The following SPOCK1 variants were observed in gnomAD, a reference collection of about 807,000 sequenced individuals.
The protein encoded by SPOCK1 is SPARC (osteonectin), cwcv and kazal like domains proteoglycan 1.
SPOCK1 carries 23 observed loss-of-function variants against 55.3 expected under a neutral mutation model. That is an observed-to-expected ratio of 0.42 (90% CI 0.30 to 0.59). SPOCK1 has a LOEUF of 0.59. Ranked by LOEUF, SPOCK1 falls within the 20% of genes least tolerant of loss-of-function variation. SPOCK1 has a pLI of 0.22. For synonymous variants in SPOCK1, 226 were observed against 221.0 expected (o/e 1.02, Z -0.20); for missense variants, 499 against 552.5 (o/e 0.90, Z 0.97).
chr5:137,148,273 C>T (rs765616286), intron 3 of SPOCK1, among the ~76,000 whole-genome samples: 3 of 152,176 alleles, frequency 2.0e-5, no homozygotes, highest in Non-Finnish European at 4.4e-5. Context: ...CCCCTCTGCT[C>T]ACATGCAAAG....
At chr5:137,460,040 A>C (rs1753447658) in intron 2 of SPOCK1, among the ~76,000 whole-genome samples, 1 of 152,238 alleles carries the variant, frequency 6.6e-6, no homozygotes, top group Non-Finnish European at 1.5e-5. Context: ...ATGAGCGAGA[A>C]GGATGGGGCA....
At chr5:137,022,611 C>T (rs927847872) in intron 6 of SPOCK1, among the ~76,000 whole-genome samples, 1 of 152,174 alleles carries the variant, frequency 6.6e-6, no homozygotes, top group Non-Finnish European at 1.5e-5. Flanking sequence ...AGCCCTGCTA[C>T]TAAGTAGCTG....
chr5:137,244,177 G>C (rs912649013), intron 3 of SPOCK1, among the ~76,000 whole-genome samples: 1 of 152,144 alleles, frequency 6.6e-6, no homozygotes, highest in Non-Finnish European at 1.5e-5. Flanking sequence ...TGCCTATAAA[G>C]AGACTATATT....
rs545909748 is a variant in SPOCK1 at position 137,354,902 on chromosome 5, G to GT, written c.187-87848dup. On this transcript the variant is annotated intron_variant, in intron 2 of 10. Coordinates refer to ENST00000394945, the MANE Select transcript of SPOCK1 (RefSeq NM_004598.4). The stretch of plus-strand genomic sequence containing the variant: ...AGGTAAGTGACTCACTCTAAGTTTT[G>GT]TTTTTTTTTGTTTTTTGAAAAGGCA... 6.7e-3 allele frequency among the ~76,000 whole-genome samples: 1,018 copies of GT among 150,942 alleles called. 8 individuals carry two copies. Among genetic ancestry groups the GT allele is most frequent in the Middle Eastern group, 0.021 (6 of 292 alleles).
intron 2 of SPOCK1, among the ~76,000 whole-genome samples, chr5:137,440,771 T>C (rs1419051492): frequency 1.3e-5 from 2 of 152,244 alleles, no homozygotes; most frequent in Middle Eastern, 3.2e-3. Flanking sequence ...GCCAGTTTTA[T>C]TTTTTCCCCA....
At chr5:137,086,915 T>C (rs1752971441) in intron 5 of SPOCK1, among the ~76,000 whole-genome samples, 1 of 152,148 alleles carries the variant, frequency 6.6e-6, no homozygotes, top group African/African-American at 2.4e-5. Context: ...CTGCGTCTGA[T>C]GGATGGAGAA....
chr5:137,319,814 G>T (rs976198281), intron 2 of SPOCK1, among the ~76,000 whole-genome samples: 8 of 151,570 alleles, frequency 5.3e-5, no homozygotes, highest in Middle Eastern at 3.2e-3. Context: ...GCGCGGTGGC[G>T]GGCGCCTGTA....
chr5:137,147,428 A>T (rs1754219657), intron 3 of SPOCK1, among the ~76,000 whole-genome samples: 1 of 152,196 alleles, frequency 6.6e-6, no homozygotes. Context: ...TGGCTTAAAC[A>T]ACAGAAATTT....
intron 2 of SPOCK1, among the ~76,000 whole-genome samples, chr5:137,298,318 T>C (rs1223563168): frequency 6.6e-6 from 1 of 152,212 alleles, no homozygotes; most frequent in African/African-American, 2.4e-5. Context: ...GTTGATATTG[T>C]ATTGATACTA....
chr5:137,162,207 G>A (rs951465514), intron 3 of SPOCK1, among the ~76,000 whole-genome samples: 1 of 146,804 alleles, frequency 6.8e-6, no homozygotes, highest in African/African-American at 2.5e-5. Context: ...GTGGGATCTC[G>A]GCTCACTGCA....
intron 2 of SPOCK1, among the ~76,000 whole-genome samples, chr5:137,331,588 T>G (rs540233809): frequency 2.2e-4 from 33 of 152,240 alleles, no homozygotes; most frequent in Non-Finnish European, 2.6e-4. Flanking sequence ...TCTGGGGGCT[T>G]TTATTCATGA....
At chr5:137,122,450 CAAGGGTCAGA>C (rs1753704881) in intron 4 of SPOCK1, among the ~76,000 whole-genome samples, 1 of 152,146 alleles carries the variant, frequency 6.6e-6, no homozygotes, top group African/African-American at 2.4e-5. Context: ...TTCTTACTAA[CAAGGGTCAGA>C]AAAGAAATTG....
At chr5:137,403,074 C>T (rs1752017549) in intron 2 of SPOCK1, among the ~76,000 whole-genome samples, 2 of 152,262 alleles carry the variant, frequency 1.3e-5, no homozygotes, top group Non-Finnish European at 2.9e-5. Context: ...CACCTTCCTT[C>T]CTTCCTTCTC....
intron 2 of SPOCK1, among the ~76,000 whole-genome samples, chr5:137,280,609 A>T (rs899882545): frequency 4.6e-5 from 7 of 152,232 alleles, no homozygotes; most frequent in Admixed American, 2.0e-4. Context: ...CCTGTTAAAT[A>T]ACTTATGAAT....
At chr5:137,118,319 G>A (rs779053137) in intron 4 of SPOCK1, among the ~76,000 whole-genome samples, 11 of 152,336 alleles carry the variant, frequency 7.2e-5, no homozygotes, top group South Asian at 4.1e-4. Flanking sequence ...GATGGCAACA[G>A]CTACAAGCAA....
chr5:137,066,208 G>T (rs747976998), intron 6 of SPOCK1, among the ~76,000 whole-genome samples: 1 of 152,150 alleles, frequency 6.6e-6, no homozygotes, highest in Non-Finnish European at 1.5e-5. Flanking sequence ...GCGCAATCTT[G>T]ACTCACTGCA....
intron 2 of SPOCK1, among the ~76,000 whole-genome samples, chr5:137,488,126 C>T (rs2149844421): frequency 6.6e-6 from 1 of 152,268 alleles, no homozygotes; most frequent in African/African-American, 2.4e-5. Flanking sequence ...CCTGTAACCC[C>T]AGCACTTTAA....
chr5:137,365,684 T>C (rs753795646), intron 2 of SPOCK1, among the ~76,000 whole-genome samples: 6 of 152,174 alleles, frequency 3.9e-5, no homozygotes, highest in Non-Finnish European at 5.9e-5. Context: ...ACTCTCGTAA[T>C]ATGAATCATC....
At chr5:136,989,128 C>G (rs1474375045) in intron 7 of SPOCK1, among the ~76,000 whole-genome samples, 1 of 152,192 alleles carries the variant, frequency 6.6e-6, no homozygotes. Context: ...ACCTTTAAAT[C>G]CAAGCAGTCT....
Sources: allele counts gnomAD v4.1 joint callset (sites outside exome capture counted in the v4.1 genomes callset), GRCh38; gene constraint gnomAD v4.1.1; transcripts MANE v1.5; gene names NCBI Gene and HGNC (gene_info 2026-07-23, HGNC 2026-07-21).